Variants in CNIH3 observed in about 807,000 individuals in gnomAD.
CNIH3 encodes the protein protein cornichon homolog 3.
Under a neutral mutation model 24.1 loss-of-function variants are expected in CNIH3, and 14 were observed. The ratio of observed to expected loss-of-function variants is 0.58; its 90% CI spans 0.38 to 0.91. CNIH3 has a LOEUF of 0.91. CNIH3 is among the 40% of genes least tolerant of loss of function. The pLI is 0.00. For missense variants in CNIH3, 178 were observed against 196.8 expected (o/e 0.90, Z 0.57); for synonymous variants, 68 against 73.8 (o/e 0.92, Z 0.40).
intron 1 of CNIH3, among the ~76,000 whole-genome samples, chr1:224,622,763 C>T (rs1287076070): frequency 6.6e-6 from 1 of 152,210 alleles, no homozygotes; most frequent in Non-Finnish European, 1.5e-5. Context: ...CCTATACTGG[C>T]CCTGAAGCTG....
chr1:224,723,748 G>A (rs1359409926), intron 3 of CNIH3, among the ~76,000 whole-genome samples: 1 of 152,186 alleles, frequency 6.6e-6, no homozygotes, highest in Non-Finnish European at 1.5e-5. Context: ...AGTGGCCCAG[G>A]CCCCAGTGGT....
At chr1:224,550,467 T>C (rs554558236) in intron 3 of CNIH3, among the ~76,000 whole-genome samples, 1 of 152,232 alleles carries the variant, frequency 6.6e-6, no homozygotes, top group East Asian at 1.9e-4. Flanking sequence ...AATATCACAG[T>C]GTGTAAACTG....
chr1:224,522,519 A>C (rs1678678174), intron 2 of CNIH3, among the ~76,000 whole-genome samples: 1 of 152,222 alleles, frequency 6.6e-6, no homozygotes, highest in Non-Finnish European at 1.5e-5. Flanking sequence ...CTAACTGGTA[A>C]AGTGCTCCTA....
At chr1:224,558,305 G>A (rs1352207830) in intron 3 of CNIH3, among the ~76,000 whole-genome samples, 1 of 152,262 alleles carries the variant, frequency 6.6e-6, no homozygotes, top group South Asian at 2.1e-4. Context: ...AAGAGGACTA[G>A]AGCAAAATTT....
intron 1 of CNIH3, among the ~76,000 whole-genome samples, chr1:224,647,532 G>A (rs1380302389): frequency 1.3e-5 from 2 of 152,222 alleles, no homozygotes; most frequent in Non-Finnish European, 2.9e-5. Context: ...ACTGGGTTCT[G>A]TGTGGCCAAG....
At chr1:224,720,495 T>TC (rs35352180) in intron 3 of CNIH3, among the ~76,000 whole-genome samples, 1 of 151,218 alleles carries the variant, frequency 6.6e-6, no homozygotes, top group African/African-American at 2.4e-5. Flanking sequence ...ACCCTCTTTG[T>TC]TAAGCAGAGT....
At chr1:224,539,163 A>T (rs552357506), downstream of CNIH3, among the ~76,000 whole-genome samples, 6 of 152,258 alleles carry the variant, frequency 3.9e-5, no homozygotes, top group Admixed American at 3.9e-4. Flanking sequence ...TTAATTTAAC[A>T]TGTCATCCTG....
intron 1 of CNIH3, among the ~76,000 whole-genome samples, chr1:224,626,139 T>C (rs879615449): frequency 2.0e-5 from 3 of 152,184 alleles, no homozygotes; most frequent in Non-Finnish European, 2.9e-5. Context: ...TGTTTTAATC[T>C]AGAGAAGAAG....
intron 3 of CNIH3, among the ~76,000 whole-genome samples, chr1:224,556,399 A>G (rs571431025): frequency 1.3e-5 from 2 of 152,280 alleles, no homozygotes; most frequent in Admixed American, 6.5e-5. Flanking sequence ...CATAGATTCT[A>G]TTCCAAACTG....
At chr1:224,666,843 C>T (rs1436246889) in intron 1 of CNIH3, among the ~76,000 whole-genome samples, 1 of 152,334 alleles carries the variant, frequency 6.6e-6, no homozygotes, top group Non-Finnish European at 1.5e-5. Flanking sequence ...TAGTCTTCTC[C>T]ACTCTTGGGC....
At chr1:224,513,184 G>C (rs929286014), upstream of CNIH3, among the ~76,000 whole-genome samples, 3 of 151,880 alleles carry the variant, frequency 2.0e-5, no homozygotes, top group Admixed American at 6.6e-5. Flanking sequence ...TTAAACAGTG[G>C]ATCTTGCTCT....
At chr1:224,610,425 T>A (rs1227677713) in intron 3 of CNIH3, among the ~76,000 whole-genome samples, 1 of 152,294 alleles carries the variant, frequency 6.6e-6, no homozygotes, top group South Asian at 2.1e-4. Context: ...TCTCACAAGA[T>A]CTGATGGTTT....
intron 1 of CNIH3, among the ~76,000 whole-genome samples, chr1:224,669,707 G>A (rs1219956071): frequency 6.6e-6 from 1 of 152,194 alleles, no homozygotes; most frequent in Non-Finnish European, 1.5e-5. Context: ...AACTTTACGT[G>A]CTAGGCATTG....
intron 1 of CNIH3, among the ~76,000 whole-genome samples, chr1:224,470,000 T>G (rs1210874374): frequency 6.6e-6 from 1 of 152,078 alleles, no homozygotes; most frequent in African/African-American, 2.4e-5. Context: ...TGGCAGTTCT[T>G]TCTTTCAGTT....
At chr1:224,570,002 T>C (rs1680751718) in intron 4 of CNIH3, among the ~76,000 whole-genome samples, 1 of 152,156 alleles carries the variant, frequency 6.6e-6, no homozygotes, top group Non-Finnish European at 1.5e-5. Flanking sequence ...CAGGCTGGTC[T>C]TGAACTCCCA....
intron 1 of CNIH3, among the ~76,000 whole-genome samples, chr1:224,676,521 A>G (rs1231684815): frequency 6.6e-6 from 1 of 152,218 alleles, no homozygotes. Context: ...AAAACGGGTG[A>G]GATATGAAAT....
intron 3 of CNIH3, among the ~76,000 whole-genome samples, chr1:224,713,068 G>A (rs1347047823): frequency 6.6e-6 from 1 of 152,118 alleles, no homozygotes; most frequent in Non-Finnish European, 1.5e-5. Flanking sequence ...AAAAAGCCAA[G>A]CATGCTTAAC....
chr1:224,568,117 C>A (rs1572492964), intron 4 of CNIH3, among the ~76,000 whole-genome samples: 1 of 152,194 alleles, frequency 6.6e-6, no homozygotes, highest in South Asian at 2.1e-4. Flanking sequence ...TGGTAAAACC[C>A]CGTCTTTACT....
chr1:224,609,983 C>T (rs142139754), intron 3 of CNIH3, among the ~76,000 whole-genome samples: 19 of 152,276 alleles, frequency 1.2e-4, no homozygotes, highest in Non-Finnish European at 2.4e-4. Context: ...AGTGCCAAAG[C>T]GATACACATT....
Sources: gnomAD v4.1 joint callset for allele counts (sites outside exome capture counted in the v4.1 genomes callset) on GRCh38, gnomAD v4.1.1 for gene constraint, MANE v1.5 for transcripts, NCBI Gene and HGNC (gene_info 2026-07-23, HGNC 2026-07-21) for gene names.